Variants in CTTNBP2 observed in about 807,000 individuals in gnomAD.
The protein encoded by CTTNBP2 is cortactin-binding protein 2.
CTTNBP2 carries 108 observed loss-of-function variants against 156.9 expected under a neutral mutation model. The ratio of observed to expected loss-of-function variants is 0.69; its 90% CI spans 0.59 to 0.81. The LOEUF is 0.81. Among genes scored for constraint, CTTNBP2 ranks in the 30% least tolerant of loss-of-function variants. The pLI is 0.00. For synonymous variants in CTTNBP2, 767 were observed against 751.8 expected (o/e 1.02, Z -0.33); for missense variants, 1,924 against 2,035.4 (o/e 0.95, Z 1.05).
intron 1 of CTTNBP2, chr7:117,871,591 T>C (rs1334047507): frequency 1.2e-5 from 2 of 166,988 alleles, no homozygotes; most frequent in Admixed American, 6.5e-5. Flanking sequence ...AACACTGACC[T>C]TGTTAACACA....
At chr7:117,784,908 ATTTTTC>A (rs1798631064) in intron 4 of CTTNBP2, among the ~76,000 whole-genome samples, 1 of 152,168 alleles carries the variant, frequency 6.6e-6, no homozygotes, top group Admixed American at 6.5e-5. Flanking sequence ...ATTGTAACAG[ATTTTTC>A]TTTTTCAACA....
At chr7:117,820,020 G>A (rs537059331) in intron 2 of CTTNBP2, among the ~76,000 whole-genome samples, 80 of 152,266 alleles carry the variant, frequency 5.3e-4, no homozygotes, top group Admixed American at 1.0e-3. Flanking sequence ...TCTCCTTTCC[G>A]AAATCTCCTA....
At chr7:117,800,358 G>C (rs931401149) in intron 3 of CTTNBP2, among the ~76,000 whole-genome samples, 2 of 151,942 alleles carry the variant, frequency 1.3e-5, no homozygotes, top group African/African-American at 4.8e-5. Flanking sequence ...GGACTTATTG[G>C]GTAGGTACTG....
At chr7:117,724,125 G>A (rs1294477607) in intron 19 of CTTNBP2, among the ~76,000 whole-genome samples, 2 of 151,906 alleles carry the variant, frequency 1.3e-5, no homozygotes, top group Non-Finnish European at 2.9e-5. Context: ...GTGTACACCT[G>A]ATTCACCTGG....
chr7:117,743,078 C>A (rs1422422881), intron 14 of CTTNBP2, among the ~76,000 whole-genome samples: 1 of 152,212 alleles, frequency 6.6e-6, no homozygotes, highest in Non-Finnish European at 1.5e-5. Context: ...ATGGGCCACT[C>A]TCCAAACTGG....
chr7:117,728,507 C>A (rs1292319063), intron 16 of CTTNBP2, among the ~76,000 whole-genome samples: 1 of 152,030 alleles, frequency 6.6e-6, no homozygotes, highest in African/African-American at 2.4e-5. Context: ...GCATTTTTAC[C>A]CCATTTTACA....
intron 2 of CTTNBP2, among the ~76,000 whole-genome samples, chr7:117,828,803 T>C (rs1416140299): frequency 1.3e-5 from 2 of 152,364 alleles, no homozygotes; most frequent in East Asian, 1.9e-4. Flanking sequence ...TTCCTTATTA[T>C]GTTGGGCATT....
chr7:117,821,143 C>T (rs575847901), intron 2 of CTTNBP2, among the ~76,000 whole-genome samples: 11 of 152,120 alleles, frequency 7.2e-5, no homozygotes, highest in South Asian at 2.1e-4. Context: ...TTGAAGATTA[C>T]GTAGAATTTT....
At chr7:117,771,125 G>A (rs1390385683) in intron 8 of CTTNBP2, among the ~76,000 whole-genome samples, 4 of 152,100 alleles carry the variant, frequency 2.6e-5, no homozygotes, top group South Asian at 4.2e-4. Flanking sequence ...AGAGGGATCC[G>A]TTACTATGGA....
At position 117,782,976 on chromosome 7, in the gene CTTNBP2, A is replaced by G; in HGVS notation, c.2273-15T>C. On this transcript the variant is annotated splice_polypyrimidine_tract_variant and intron_variant, in intron 5 of 22. Coordinates refer to ENST00000160373, the MANE Select transcript of CTTNBP2 (RefSeq NM_033427.3). Reference sequence around the variant, plus strand: ...TCTCACACAGTCTATGGATTTTAATAGAAAGCCATGTAAATTCCCCATTTG... The same window carrying G: ...TCTCACACAGTCTATGGATTTTAATGGAAAGCCATGTAAATTCCCCATTTG... 1.3e-6 allele frequency: 2 copies of G among 1,589,606 alleles called. No individual in the cohort carries two copies. The highest frequency in any genetic ancestry group is 1.7e-6 in the Non-Finnish European group (2 of 1,161,142).
chr7:117,849,681 C>T (rs1802816558), intron 2 of CTTNBP2, among the ~76,000 whole-genome samples: 1 of 152,104 alleles, frequency 6.6e-6, no homozygotes, highest in Non-Finnish European at 1.5e-5. Flanking sequence ...TCAGAACACA[C>T]TTCTCATTGT....
chr7:117,711,755 T>G lies in CTTNBP2; in HGVS notation c.4774A>C (p.Thr1592Pro), dbSNP rs751363985. 49 of 1,613,438 alleles carry G rather than the reference T, an allele frequency of 3.0e-5. No homozygotes were observed. The highest frequency in any genetic ancestry group is 3.6e-5 in the Non-Finnish European group (43 of 1,179,612). ...KEVSPLSSHQTTECSNSKSKT... is the reference protein window; with the variant it reads ...KEVSPLSSHQPTECSNSKSKT... ...GATTTACTGTTGCTGCATTCAGTAG[T>G]TTGATGGCTGCTGAGAGGACTGACC... The change falls in exon 23 of 23, where the codon ACT becomes CCT. Residue 1592 changes from threonine to proline, a missense_variant. Physicochemically the swap from Thr to Pro is conservative, Grantham distance 38 (BLOSUM62 -1). Coordinates refer to ENST00000160373, the MANE Select transcript of CTTNBP2 (RefSeq NM_033427.3).
rs570771119 is a variant in CTTNBP2 at position 117,750,773 on chromosome 7, T to C, written c.3349-4674A>G. Among the ~76,000 whole-genome samples the C allele has an allele frequency of 2.0e-5, 3 of 152,318 alleles. No homozygotes were observed. In the East Asian group the frequency reaches 5.8e-4, roughly 29 times the overall value. ...ATCAAGATCTTGGGTATAATGAATA[T>C]ATATACTCCACGCTTCCAGCAGAGG... is the stretch of plus-strand genomic sequence containing the variant. On this transcript the variant is annotated intron_variant, in intron 12 of 22. Transcript: ENST00000160373.
At chr7:117,759,077 T>C (rs1016239838) in intron 10 of CTTNBP2, among the ~76,000 whole-genome samples, 2 of 152,166 alleles carry the variant, frequency 1.3e-5, no homozygotes, top group African/African-American at 2.4e-5. Context: ...AACTGAATCA[T>C]TTCTTAATGC....
intron 16 of CTTNBP2, among the ~76,000 whole-genome samples, chr7:117,731,595 T>C (rs1191985656): frequency 6.6e-6 from 1 of 152,244 alleles, no homozygotes; most frequent in Non-Finnish European, 1.5e-5. Flanking sequence ...TGTGTTTTGA[T>C]GATCAGTTGC....
intron 2 of CTTNBP2, among the ~76,000 whole-genome samples, chr7:117,852,496 C>T (rs1230502236): frequency 6.6e-6 from 1 of 152,138 alleles, no homozygotes; most frequent in African/African-American, 2.4e-5. Flanking sequence ...GCAGCATTCT[C>T]AAGTGCACCA....
At chr7:117,720,579 A>G (rs1794728806) in intron 20 of CTTNBP2, among the ~76,000 whole-genome samples, 1 of 152,274 alleles carries the variant, frequency 6.6e-6, no homozygotes, top group South Asian at 2.1e-4. Context: ...CTGTAATCCC[A>G]GCCACACAAG....
Position 117,784,306 on chromosome 7 carries a change from G to C in CTTNBP2, c.2217C>G (p.Tyr739Ter). ...AGGCAGAATGGCCATCTTCACAGGAGTAATTAATGTCCAGTCCTTCTTCAT... is the reference window on the plus strand; with the variant it reads ...AGGCAGAATGGCCATCTTCACAGGACTAATTAATGTCCAGTCCTTCTTCAT... ...LLNEEGLDIN[Y>*]SCEDGHSALY... The change falls in exon 5 of 23, where the codon TAC becomes TAG. Residue 739 changes from tyrosine (Y) to a stop codon, truncating the protein, a stop_gained. Transcript: ENST00000160373. LOFTEE classifies it high-confidence loss of function. 1 of 1,613,440 alleles carries C rather than the reference G, an allele frequency of 6.2e-7. No individual in the cohort carries two copies. The highest frequency in any genetic ancestry group is 8.5e-7 in the Non-Finnish European group (1 of 1,179,724).
chr7:117,827,041 C>A (rs1416059872), intron 2 of CTTNBP2, among the ~76,000 whole-genome samples: 2 of 151,864 alleles, frequency 1.3e-5, no homozygotes, highest in African/African-American at 2.4e-5. Flanking sequence ...ATAATTTTAG[C>A]ACAGACAGGG....
Sources: allele counts gnomAD v4.1 joint callset (sites outside exome capture counted in the v4.1 genomes callset), GRCh38; gene constraint gnomAD v4.1.1; transcripts MANE v1.5; gene names NCBI Gene and HGNC (gene_info 2026-07-23, HGNC 2026-07-21).